The following LPCAT1 variants were observed in gnomAD, a reference collection of about 807,000 sequenced individuals.
The protein encoded by LPCAT1 is 1-acylglycerol-3-phosphate O-acyltransferase.
LPCAT1 carries 23 observed loss-of-function variants against 60.9 expected under a neutral mutation model. The observed-to-expected ratio is 0.38, with a 90% CI of 0.27 to 0.53. LPCAT1 has a LOEUF of 0.53. Ranked by LOEUF, LPCAT1 falls within the 20% of genes least tolerant of loss-of-function variation. The probability of loss-of-function intolerance (pLI) is 0.82; values close to 1 mark genes in which losing one functional copy is unlikely to be tolerated. For missense variants in LPCAT1, 622 were observed against 723.6 expected, an observed-to-expected ratio of 0.86 and a Z score of 1.61; for synonymous variants, 340 against 301.1, an observed-to-expected ratio of 1.13 and a Z score of -1.34.
At position 1,463,610 on chromosome 5, in the gene LPCAT1, G is replaced by A. The variant is rs559639740; in HGVS notation, c.*41C>T. 2.5e-6 allele frequency: 4 copies of A among 1,603,138 alleles called. No individual in the cohort carries two copies. The African/African-American group carries it at 4.0e-5, about 16-fold the overall frequency. On this transcript the variant is annotated 3_prime_UTR_variant, in exon 14 of 14. Coordinates refer to ENST00000283415, the MANE Select transcript of LPCAT1 (RefSeq NM_024830.5). ...TCGCAAAGAGGCTCATGGCGGTGATGTCCACGCGGGAGGGGCCGCGTCTCT... is the reference window on the plus strand; with the variant it reads ...TCGCAAAGAGGCTCATGGCGGTGATATCCACGCGGGAGGGGCCGCGTCTCT...
intron 9 of LPCAT1, among the ~76,000 whole-genome samples, chr5:1,475,223 T>C (rs1198714592): frequency 2.6e-5 from 4 of 152,244 alleles, no homozygotes; most frequent in African/African-American, 7.2e-5. Context: ...CTAGTCCTAG[T>C]TGAGAGCCGC....
rs8352 is a variant in LPCAT1 at position 1,462,936 on chromosome 5, G to C, written c.*715C>G. Reference sequence around the variant, plus strand: ...ACCTCCCCAGGGGACCCAGCGGAAGGAGAGGGATTACCTGCTGGAGAGAGG... The same window carrying C: ...ACCTCCCCAGGGGACCCAGCGGAAGCAGAGGGATTACCTGCTGGAGAGAGG... On this transcript the variant is annotated 3_prime_UTR_variant, in exon 14 of 14. Coordinates refer to ENST00000283415, the MANE Select transcript of LPCAT1 (RefSeq NM_024830.5). 0.2 allele frequency: 29,643 copies of C among 151,968 alleles called. 3,398 individuals carry two copies. Among genetic ancestry groups the C allele is most frequent in the South Asian group, 0.28 (1,333 of 4,816 alleles). The allele number at this position is 151,968 out of a possible 1,614,324, so 9.4% of individuals were successfully genotyped here.
At chr5:1,484,086 C>T (rs115281345) in intron 5 of LPCAT1, among the ~76,000 whole-genome samples, 88 of 152,360 alleles carry the variant, frequency 5.8e-4, no homozygotes, top group African/African-American at 2.1e-3. Context: ...TGGGGCTCAG[C>T]TCCAAGGACG....
At chr5:1,503,207 G>C (rs942571540) in intron 1 of LPCAT1, among the ~76,000 whole-genome samples, 3 of 152,140 alleles carry the variant, frequency 2.0e-5, no homozygotes, top group African/African-American at 7.2e-5. Context: ...CCTCACCCCA[G>C]CTGGGTCCCC....
intron 12 of LPCAT1, 42 bp downstream of exon 12, chr5:1,470,784 C>G: frequency 6.7e-7 from 1 of 1,497,966 alleles, no homozygotes; most frequent in Non-Finnish European, 9.2e-7. Flanking sequence ...GTGACTGCAC[C>G]GCCCTGTCCC....
In LPCAT1 at chr5:1,483,528, G is replaced by A. The variant is rs775163427; in HGVS notation, c.668-42C>T. ...AGCGGTGTTGCCCATGGCAGCCCAC[G>A]CAGGACAGCGTCTGCTGCGTTTCTC... On this transcript the variant is annotated intron_variant, in intron 5 of 13. Coordinates refer to ENST00000283415, the MANE Select transcript of LPCAT1 (RefSeq NM_024830.5). The surrounding 1 kb of genome is among the most constrained non-coding windows in gnomAD (Gnocchi z 9.2). 1.7e-5 allele frequency: 28 copies of A among 1,600,004 alleles called. No homozygotes were observed. In the East Asian group the frequency reaches 3.8e-4, roughly 22 times the overall value.
Position 1,463,720 on chromosome 5 carries a change from G to A in LPCAT1, c.1536C>T (p.Gly512=), listed in dbSNP as rs1322504698. The change falls in exon 14 of 14, where the codon GGC becomes GGT. Residue 512 remains glycine (G), a synonymous_variant. Transcript: ENST00000283415. ...TTTCCGGGCTGAAATCGGCACAGAA[G>A]CCGTTTGGGATTGGCGCAGGTGAGG... ...AETSPAPIPN[G]FCADFSPENS... 1 of 1,614,264 alleles carries A rather than the reference G, an allele frequency of 6.2e-7. No homozygotes were observed. Among genetic ancestry groups the A allele is most frequent in the Non-Finnish European group, 8.5e-7 (1 of 1,180,052 alleles).
chr5:1,485,264 A>G (rs1284649170), intron 5 of LPCAT1, among the ~76,000 whole-genome samples: 1 of 152,150 alleles, frequency 6.6e-6, no homozygotes, highest in East Asian at 1.9e-4. Flanking sequence ...AAGGTCAGTG[A>G]CTTCATGGAA....
At chr5:1,488,474 G>T in intron 4 of LPCAT1, 23 bp from the exon 5 acceptor site, 1 of 1,521,738 alleles carries the variant, frequency 6.6e-7, no homozygotes, top group Non-Finnish European at 9.0e-7. Flanking sequence ...GAAAGAAAAG[G>T]ATCAGCATTA....
rs747297333 is a variant in LPCAT1 at position 1,489,732 on chromosome 5, G to A, written c.606+14C>T. 2 of 1,546,292 alleles carry A rather than the reference G, an allele frequency of 1.3e-6. No homozygotes were observed. The highest frequency in any genetic ancestry group is 3.3e-5 in the Admixed American group (2 of 59,936). On this transcript the variant is annotated intron_variant, in intron 4 of 13. Coordinates refer to ENST00000283415, the MANE Select transcript of LPCAT1 (RefSeq NM_024830.5). The stretch of plus-strand genomic sequence containing the variant: ...ATAAAACCACTGAAACACAATCAGG[G>A]CTACGTGCATTACCTGTGGCCACTT...
At chr5:1,489,887 G>T (rs113842715) in intron 3 of LPCAT1, 29 bp from the exon 4 acceptor site, 3 of 1,507,934 alleles carry the variant, frequency 2.0e-6, no homozygotes, top group African/African-American at 1.4e-5. Flanking sequence ...GACGGATCAC[G>T]TGGAATGCAC....
rs1736065368 is a variant in LPCAT1 at position 1,502,775 on chromosome 5, G to C, written c.136-1172C>G. ...CAGCCATCCCTAATTTCTGATGCCT[G>C]TCATGAGAGCGCTCCCACTCTGTTT... On this transcript the variant is annotated intron_variant, in intron 1 of 13. Coordinates refer to ENST00000283415, the MANE Select transcript of LPCAT1 (RefSeq NM_024830.5). The surrounding 1 kb of genome is among the most constrained non-coding windows in gnomAD (Gnocchi z 5.5). 6.6e-6 allele frequency among the ~76,000 whole-genome samples: 1 copy of C among 152,138 alleles called. No individual in the cohort carries two copies. Among genetic ancestry groups the C allele is most frequent in the African/African-American group, 2.4e-5 (1 of 41,412 alleles).
chr5:1,501,658 C>A, intron 1 of LPCAT1, 55 bp from the exon 2 acceptor site: 1 of 1,583,896 alleles, frequency 6.3e-7, no homozygotes, highest in Non-Finnish European at 8.7e-7. Flanking sequence ...CCAGGCAGCT[C>A]CCCACCCGGC....
intron 2 of LPCAT1, among the ~76,000 whole-genome samples, chr5:1,499,486 T>C (rs1159535805): frequency 1.3e-5 from 2 of 152,258 alleles, no homozygotes; most frequent in Non-Finnish European, 2.9e-5. Context: ...TGGCCTTGAT[T>C]TACTTTGCTT....
intron 12 of LPCAT1, 90 bp from the exon 13 acceptor site, chr5:1,466,980 T>G (rs1480510235): frequency 7.6e-7 from 1 of 1,315,922 alleles, no homozygotes. Flanking sequence ...CCTGCCCCGC[T>G]TTGTCAGAGC....
Position 1,474,506 on chromosome 5 carries a change from C to T in LPCAT1, c.1025+54G>A, listed in dbSNP as rs1398255736. The T allele has an allele frequency of 1.9e-6, 3 of 1,598,172 alleles. No individual in the cohort carries two copies. In the East Asian group the frequency reaches 6.7e-5, roughly 36 times the overall value. On this transcript the variant is annotated intron_variant, in intron 10 of 13. Coordinates refer to ENST00000283415, the MANE Select transcript of LPCAT1 (RefSeq NM_024830.5). ...GCAACCCCAGGCAGCCCCCGCCAGA[C>T]CTCGGCATCACGGGTTCTAGCTAAT... is the stretch of plus-strand genomic sequence containing the variant.
In LPCAT1 at chr5:1,483,060, T is replaced by C. The variant is rs1735222180; in HGVS notation, c.726+368A>G. On this transcript the variant is annotated intron_variant, in intron 6 of 13. Transcript: ENST00000283415. The surrounding 1 kb of genome is among the most constrained non-coding windows in gnomAD (Gnocchi z 9.2). ...GGGTACTGAAAGCTGCTGGGGGCCC[T>C]GGCCGGTGATGTGGGGTGGAGGGGT... is the stretch of plus-strand genomic sequence containing the variant. Among the ~76,000 whole-genome samples the C allele has an allele frequency of 2.0e-5, 3 of 152,164 alleles. No homozygotes were observed. The South Asian group carries it at 6.2e-4, about 32-fold the overall frequency.
chr5:1,497,903 CT>C (rs1339395409), intron 2 of LPCAT1, among the ~76,000 whole-genome samples: 1 of 152,240 alleles, frequency 6.6e-6, no homozygotes, highest in African/African-American at 2.4e-5. Context: ...CCTGGCCCAG[CT>C]CAGGACTTGG....
At chr5:1,466,350 T>A (rs1245106183) in intron 13 of LPCAT1, among the ~76,000 whole-genome samples, 1 of 152,088 alleles carries the variant, frequency 6.6e-6, no homozygotes, top group Non-Finnish European at 1.5e-5. Context: ...TCGTCTCTCC[T>A]GACAGACCCC....
Sources: allele counts gnomAD v4.1 joint callset (sites outside exome capture counted in the v4.1 genomes callset), GRCh38; gene constraint gnomAD v4.1.1; non-coding constraint Gnocchi (gnomAD v3.1); transcripts MANE v1.5; gene names NCBI Gene and HGNC (gene_info 2026-07-23, HGNC 2026-07-21).